CYP19A1: variants seen among roughly 807,000 people sequenced by gnomAD.
The protein encoded by CYP19A1 is cytochrome P450 family 19 subfamily A member 1, also known as aromatase.
A neutral mutation model predicts 44.4 loss-of-function variants in CYP19A1; 32 were observed. The ratio of observed to expected loss-of-function variants is 0.72; its 90% CI spans 0.54 to 0.97. The LOEUF is 0.97. Among genes scored for constraint, CYP19A1 ranks in the 50% least tolerant of loss-of-function variants. The probability of loss-of-function intolerance (pLI) is 0.00; values close to 1 mark genes in which losing one functional copy is unlikely to be tolerated. For synonymous variants in CYP19A1, 212 were observed against 215.6 expected (o/e 0.98, Z 0.14); for missense variants, 598 against 637.8 (o/e 0.94, Z 0.67).
At chr15:51,304,739 T>C (rs2036179570) in intron 1 of CYP19A1, among the ~76,000 whole-genome samples, 2 of 152,190 alleles carry the variant, frequency 1.3e-5, no homozygotes, top group South Asian at 4.1e-4. Flanking sequence ...TCTCTTTGTC[T>C]CTTTCAAGAG....
chr15:51,255,311 G>A (rs1269810931), intron 1 of CYP19A1, among the ~76,000 whole-genome samples: 1 of 152,204 alleles, frequency 6.6e-6, no homozygotes, highest in African/African-American at 2.4e-5. Flanking sequence ...ACCCAACAGG[G>A]TATGGGGAGT....
chr15:51,237,377 C>T (rs1041431011), intron 2 of CYP19A1, among the ~76,000 whole-genome samples: 3 of 152,188 alleles, frequency 2.0e-5, no homozygotes, highest in Admixed American at 1.3e-4. Context: ...CATGGAAACA[C>T]TGATGAGTGA....
intron 1 of CYP19A1, among the ~76,000 whole-genome samples, chr15:51,325,183 A>C (rs2036587212): frequency 6.6e-6 from 1 of 152,092 alleles, no homozygotes; most frequent in African/African-American, 2.4e-5. Flanking sequence ...ACCCTATCTC[A>C]AAAAACATTC....
At chr15:51,313,108 C>G (rs1390776993) in intron 1 of CYP19A1, 3 of 152,198 alleles carry the variant, frequency 2.0e-5, no homozygotes, top group African/African-American at 4.8e-5. Context: ...GGCATATTGT[C>G]TCTTCATTTG....
intron 1 of CYP19A1, among the ~76,000 whole-genome samples, chr15:51,282,554 C>T (rs572170437): frequency 4.6e-5 from 7 of 152,332 alleles, no homozygotes; most frequent in Admixed American, 3.3e-4. Flanking sequence ...TTCCAGAGCT[C>T]AGGGCCTTCA....
intron 1 of CYP19A1, among the ~76,000 whole-genome samples, chr15:51,255,321 T>C (rs908067982): frequency 1.3e-5 from 2 of 152,000 alleles, no homozygotes; most frequent in Non-Finnish European, 2.9e-5. Context: ...GTATGGGGAG[T>C]TGAAGGGAGG....
At position 51,299,031 on chromosome 15, in the gene CYP19A1, C is replaced by T. The variant is rs9282662; in HGVS notation, c.-39+39464G>A. Reference sequence around the variant, plus strand: ...ATGCTCCATGAAGTTTTGCTGGAACCGGCAAGGCCTTTTTCTGCCCCAGAG... The same window carrying T: ...ATGCTCCATGAAGTTTTGCTGGAACTGGCAAGGCCTTTTTCTGCCCCAGAG... On this transcript the variant is annotated intron_variant, in intron 1 of 9. Transcript: ENST00000396402. Among the ~76,000 whole-genome samples the T allele has an allele frequency of 5.7e-3, 863 of 152,348 alleles. 11 individuals carry two copies. Among genetic ancestry groups the T allele is most frequent in the African/African-American group, 0.019 (810 of 41,580 alleles).
chr15:51,307,623 G>T (rs996442610), intron 1 of CYP19A1, among the ~76,000 whole-genome samples: 1 of 152,110 alleles, frequency 6.6e-6, no homozygotes, highest in East Asian at 1.9e-4. Flanking sequence ...AGTGCTGCTC[G>T]AGCTATGAGA....
chr15:51,263,777 C>A (rs939624077), intron 1 of CYP19A1, among the ~76,000 whole-genome samples: 7 of 152,200 alleles, frequency 4.6e-5, no homozygotes, highest in Non-Finnish European at 1.5e-5. Context: ...TGCAAGCATT[C>A]CAACTCTGAG....
At position 51,269,277 on chromosome 15, in the gene CYP19A1, T is replaced by C. The variant is rs997615266; in HGVS notation, c.-38-26327A>G. On this transcript the variant is annotated intron_variant, in intron 1 of 9. Coordinates refer to ENST00000396402, the MANE Select transcript of CYP19A1 (RefSeq NM_000103.4). ...CAGCACCGTTTTTTTGAAAAGGCCC[T>C]TTTCCCCCCTCAAATTGAATTGTCT... 2.0e-5 allele frequency among the ~76,000 whole-genome samples: 3 copies of C among 152,118 alleles called. No homozygotes were observed. In the South Asian group the frequency reaches 6.2e-4, roughly 32 times the overall value.
At chr15:51,255,948 C>T (rs554720866) in intron 1 of CYP19A1, among the ~76,000 whole-genome samples, 71 of 152,336 alleles carry the variant, frequency 4.7e-4, no homozygotes, top group Admixed American at 2.2e-3. Context: ...CCAGAAGTGA[C>T]AAAGTTGCCC....
At chr15:51,275,916 C>T (rs1042696476) in intron 1 of CYP19A1, among the ~76,000 whole-genome samples, 1 of 152,116 alleles carries the variant, frequency 6.6e-6, no homozygotes, top group Non-Finnish European at 1.5e-5. Flanking sequence ...GCTGCTGTGT[C>T]CCCCCGGCCA....
At chr15:51,291,208 C>T (rs1441000340) in intron 1 of CYP19A1, among the ~76,000 whole-genome samples, 1 of 152,160 alleles carries the variant, frequency 6.6e-6, no homozygotes, top group African/African-American at 2.4e-5. Context: ...AAACATGCTT[C>T]AGGCAGTAGT....
Position 51,212,366 on chromosome 15 carries a change from A to G in CYP19A1, c.1217T>C (p.Phe406Ser). The change falls in exon 9 of 10, where the codon TTT becomes TCT. Residue 406 changes from phenylalanine to serine, a missense_variant. Transcript: ENST00000396402. ...LNIGRMHRLEFFPKPNEFTLE... is the reference protein window; with the variant it reads ...LNIGRMHRLESFPKPNEFTLE... ...AGTAAATTCATTGGGTTTGGGGAAA[A>G]ACTCGAGTCTGTGCATCCTTCCAAT... is the stretch of plus-strand genomic sequence containing the variant. 6.2e-7 allele frequency: 1 copy of G among 1,600,284 alleles called. No homozygotes were observed.
intron 1 of CYP19A1, among the ~76,000 whole-genome samples, chr15:51,288,202 C>A (rs527392761): frequency 3.9e-5 from 6 of 152,158 alleles, no homozygotes; most frequent in African/African-American, 1.4e-4. Flanking sequence ...CTCCTGTCCC[C>A]AGCCCCTACC....
At chr15:51,328,571 T>A (rs2036650555) in intron 1 of CYP19A1, among the ~76,000 whole-genome samples, 1 of 152,004 alleles carries the variant, frequency 6.6e-6, no homozygotes, top group Admixed American at 6.6e-5. Context: ...TGTGTGTGTG[T>A]GTGTGTGTGT....
chr15:51,281,319 G>A (rs2140972336), intron 1 of CYP19A1, among the ~76,000 whole-genome samples: 1 of 152,310 alleles, frequency 6.6e-6, no homozygotes, highest in Non-Finnish European at 1.5e-5. Context: ...TAAGATTAGA[G>A]GCTATACCAG....
rs369745976 is a variant in CYP19A1 at position 51,236,268 on chromosome 15, G to A, written c.296+591C>T. 2.0e-5 allele frequency among the ~76,000 whole-genome samples: 3 copies of A among 152,036 alleles called. No homozygotes were observed. The South Asian group carries it at 6.2e-4, about 32-fold the overall frequency. On this transcript the variant is annotated intron_variant, in intron 3 of 9. Transcript: ENST00000396402. Reference sequence around the variant, plus strand: ...ATTTTCCTTTTTCTTTACTTTAATCGGATTCAGCCAAGGTCGGCTTACCAT... The same window carrying A: ...ATTTTCCTTTTTCTTTACTTTAATCAGATTCAGCCAAGGTCGGCTTACCAT...
Position 51,336,578 on chromosome 15 carries a change from G to C in CYP19A1, c.-39+1917C>G, listed in dbSNP as rs991732372. Reference sequence around the variant, plus strand: ...TGTAGCTGTCAATCTCATCACTGAAGACAAGAATACCCAAGTGCCAGGCCA... The same window carrying C: ...TGTAGCTGTCAATCTCATCACTGAACACAAGAATACCCAAGTGCCAGGCCA... On this transcript the variant is annotated intron_variant, in intron 1 of 9. Coordinates refer to ENST00000396402, the MANE Select transcript of CYP19A1 (RefSeq NM_000103.4). Among the ~76,000 whole-genome samples, 16 of 152,152 alleles carry C rather than the reference G, an allele frequency of 1.1e-4. 1 individual carries two copies. Among genetic ancestry groups the C allele is most frequent in the Non-Finnish European group, 2.4e-4 (16 of 68,030 alleles).
Sources: gnomAD v4.1 joint callset for allele counts (sites outside exome capture counted in the v4.1 genomes callset) on GRCh38, gnomAD v4.1.1 for gene constraint, MANE v1.5 for transcripts, NCBI Gene and HGNC (gene_info 2026-07-23, HGNC 2026-07-21) for gene names.